The following MBP variants were observed in gnomAD, a reference collection of about 807,000 sequenced individuals.
MBP encodes the protein myelin basic protein.
In MBP, 16 loss-of-function variants were observed where a neutral mutation model predicts 35.8. That is an observed-to-expected ratio of 0.45 (90% CI 0.30 to 0.68). The LOEUF is 0.68. Ranked by LOEUF, MBP falls within the 30% of genes least tolerant of loss-of-function variation. MBP has a pLI of 0.08. For missense variants in MBP, 380 were observed against 404.7 expected (o/e 0.94, Z 0.52); for synonymous variants, 143 against 159.6 (o/e 0.90, Z 0.78).
At chr18:77,041,822 A>G (rs1039830035) in intron 3 of MBP, among the ~76,000 whole-genome samples, 2 of 151,010 alleles carry the variant, frequency 1.3e-5, no homozygotes, top group East Asian at 2.0e-4. Context: ...AGATATACCT[A>G]ATGTTAAACG....
At chr18:77,010,186 A>G in intron 4 of MBP, 1 of 523,316 alleles carries the variant, frequency 1.9e-6, no homozygotes, top group Non-Finnish European at 3.4e-6. Flanking sequence ...TCGAGAGCAA[A>G]AGGAAAGTTT....
At chr18:77,043,600 C>G (rs1370530701) in intron 3 of MBP, among the ~76,000 whole-genome samples, 1 of 150,218 alleles carries the variant, frequency 6.7e-6, no homozygotes, top group Admixed American at 6.6e-5. Context: ...CACTCAGCAG[C>G]GTGGACGTCT....
chr18:77,059,061 T>TC, intron 3 of MBP, among the ~76,000 whole-genome samples: 1 of 152,208 alleles, frequency 6.6e-6, no homozygotes, highest in East Asian at 1.9e-4. Context: ...CAGCACGAGT[T>TC]CGGGGAAAAT....
chr18:77,010,135 G>A (rs1438355188), intron 4 of MBP: 2 of 587,950 alleles, frequency 3.4e-6, no homozygotes, highest in Admixed American at 3.0e-5. Flanking sequence ...GAGGTGATGG[G>A]AGGTCAGAGG....
intron 1 of MBP, among the ~76,000 whole-genome samples, chr18:77,106,213 G>A (rs1445589208): frequency 6.6e-6 from 1 of 152,196 alleles, no homozygotes; most frequent in African/African-American, 2.4e-5. Flanking sequence ...TCTGAACACG[G>A]GGAGAGAGGA....
intron 2 of MBP, among the ~76,000 whole-genome samples, chr18:77,087,816 T>G (rs1174300291): frequency 6.6e-6 from 1 of 151,992 alleles, no homozygotes; most frequent in Non-Finnish European, 1.5e-5. Flanking sequence ...CCGGGGCAGC[T>G]GGGAGCACCC....
rs1407514637 is a variant in MBP, at chr18:76,980,373, T to C, written c.*54A>G. On this transcript the variant is annotated 3_prime_UTR_variant, in exon 9 of 9. Coordinates refer to ENST00000355994, the MANE Select transcript of MBP (RefSeq NM_001025101.2). ...AACAGGGGCAAGTGGGATTAAAGTT[T>C]TAAGGCAGTTATATTAAGAAGCTGA... 1.3e-6 allele frequency: 2 copies of C among 1,530,480 alleles called. 1 individual carries two copies. The highest frequency in any genetic ancestry group is 3.3e-5 in the Admixed American group (2 of 59,924). The allele number at this position is 1,530,480 out of a possible 1,614,324, so 94.8% of individuals were successfully genotyped here. A position where few individuals can be genotyped will look rare whatever the true frequency, so the allele number is the denominator to read the frequency against.
chr18:77,067,656 T>C (rs58166941), intron 2 of MBP, among the ~76,000 whole-genome samples: 10,274 of 152,230 alleles, frequency 0.067, 426 homozygotes, highest in South Asian at 0.11. Flanking sequence ...GCCCTGGTGC[T>C]ACCCACCAGC....
intron 3 of MBP, among the ~76,000 whole-genome samples, chr18:77,052,102 T>G (rs1173709742): frequency 6.6e-6 from 1 of 152,142 alleles, no homozygotes; most frequent in Non-Finnish European, 1.5e-5. Flanking sequence ...GACTGTGCCC[T>G]CTGAGCCAGA....
intron 2 of MBP, among the ~76,000 whole-genome samples, chr18:77,078,201 G>A (rs769912276): frequency 1.3e-5 from 2 of 152,330 alleles, no homozygotes; most frequent in Non-Finnish European, 2.9e-5. Flanking sequence ...ATGCGCTCAT[G>A]CTGTGTGAGT....
chr18:77,062,635 G>C (rs745596450), intron 3 of MBP, among the ~76,000 whole-genome samples: 3 of 152,188 alleles, frequency 2.0e-5, no homozygotes, highest in Admixed American at 6.5e-5. Context: ...AAACTTCAAA[G>C]TGGATTGCTA....
At chr18:76,982,191 G>C (rs1417578736) in intron 8 of MBP, 2 of 152,236 alleles carry the variant, frequency 1.3e-5, no homozygotes, top group African/African-American at 4.8e-5. Flanking sequence ...AGGAGCCAAA[G>C]CTCAGCCAGC....
intron 2 of MBP, among the ~76,000 whole-genome samples, chr18:77,096,762 C>T (rs1223177517): frequency 2.0e-5 from 3 of 150,602 alleles, no homozygotes; most frequent in Non-Finnish European, 4.4e-5. Context: ...TTGGAGCTCA[C>T]CACTTGATTT....
intron 2 of MBP, among the ~76,000 whole-genome samples, chr18:77,085,205 A>G (rs1975171590): frequency 6.6e-6 from 1 of 152,200 alleles, no homozygotes; most frequent in Admixed American, 6.5e-5. Context: ...TAAAAAAAAA[A>G]CAGTCCTACT....
At chr18:77,123,304 G>A (rs1460420641) in intron 1 of MBP, among the ~76,000 whole-genome samples, 2 of 152,220 alleles carry the variant, frequency 1.3e-5, no homozygotes, top group Non-Finnish European at 2.9e-5. Context: ...GACATAAAAT[G>A]TTATTCTCTA....
chr18:77,100,812 C>T (rs1379969415), intron 2 of MBP, among the ~76,000 whole-genome samples: 4 of 152,022 alleles, frequency 2.6e-5, no homozygotes, highest in South Asian at 4.1e-4. Context: ...TTCAGCCTCC[C>T]GCAGTGCTGG....
At chr18:77,058,788 G>A (rs948487937) in intron 3 of MBP, among the ~76,000 whole-genome samples, 10 of 152,372 alleles carry the variant, frequency 6.6e-5, no homozygotes, top group Non-Finnish European at 8.8e-5. Flanking sequence ...CTCCTCGGCC[G>A]GCCGACTGCA....
chr18:77,105,152 G>A (rs1318015292), intron 2 of MBP, 59 bp downstream of exon 2: 2 of 1,550,730 alleles, frequency 1.3e-6, no homozygotes, highest in South Asian at 2.2e-5. Flanking sequence ...ACACACCAAG[G>A]GGATTTGTGT....
rs35066411 is a variant in MBP at position 77,063,605 on chromosome 18, C to A, written c.139+2693G>T. Among the ~76,000 whole-genome samples, 3 of 152,304 alleles carry A rather than the reference C, an allele frequency of 2.0e-5. No individual in the cohort carries two copies. The East Asian group carries it at 5.8e-4, about 29-fold the overall frequency. On this transcript the variant is annotated intron_variant, in intron 3 of 8. Coordinates refer to ENST00000355994, the MANE Select transcript of MBP (RefSeq NM_001025101.2). The stretch of plus-strand genomic sequence containing the variant: ...GAGCCTTGCTCCGGTGTCCAAGGAC[C>A]TGGGAACACCTCAGTAAACACAACA...
Sources: allele counts gnomAD v4.1 joint callset (sites outside exome capture counted in the v4.1 genomes callset), GRCh38; gene constraint gnomAD v4.1.1; transcripts MANE v1.5; gene names NCBI Gene and HGNC (gene_info 2026-07-23, HGNC 2026-07-21).